The following SPTBN1 variants were observed in gnomAD, a reference collection of about 807,000 sequenced individuals.
The protein encoded by SPTBN1 is spectrin beta, non-erythrocytic 1.
A neutral mutation model predicts 266.4 loss-of-function variants in SPTBN1; 32 were observed. The observed-to-expected ratio is 0.12, with a 90% CI of 0.09 to 0.16. The LOEUF (loss-of-function observed/expected upper bound fraction) is 0.16, where lower values mean the gene tolerates loss of function less well. Among genes scored for constraint, SPTBN1 ranks in the 10% least tolerant of loss-of-function variants. The pLI is 1.00. For synonymous variants in SPTBN1, 1,336 were observed against 1,162.2 expected (o/e 1.15, Z -3.04); for missense variants, 2,296 against 3,067.1 (o/e 0.75, Z 5.94).
intron 1 of SPTBN1, among the ~76,000 whole-genome samples, chr2:54,492,280 G>T (rs1668724019): frequency 6.7e-6 from 1 of 149,864 alleles, no homozygotes; most frequent in South Asian, 2.1e-4. Flanking sequence ...GTATAAAGTA[G>T]GTGTACCCTA....
At chr2:54,548,779 T>G (rs1672395598) in intron 2 of SPTBN1, among the ~76,000 whole-genome samples, 1 of 152,280 alleles carries the variant, frequency 6.6e-6, no homozygotes, top group South Asian at 2.1e-4. Context: ...TAAAAGGAAC[T>G]TCTGACACCT....
chr2:54,529,874 AAAAAAAAAAAG>A, intron 2 of SPTBN1: 19 of 415,216 alleles, frequency 4.6e-5, no homozygotes, highest in Middle Eastern at 7.9e-4. Context: ...AAAAAAAAAA[AAAAAAAAAAAG>A]GTCCACTTGA....
At position 54,649,382 on chromosome 2, in the gene SPTBN1, C is replaced by G. The variant is rs140309983; in HGVS notation, c.5202+192C>G. Among the ~76,000 whole-genome samples, 267 of 152,270 alleles carry G rather than the reference C, an allele frequency of 1.8e-3. 1 individual carries two copies. The highest frequency in any genetic ancestry group is 3.1e-3 in the Non-Finnish European group (211 of 68,016). On this transcript the variant is annotated intron_variant, in intron 25 of 35. Transcript: ENST00000356805. This position sits in a 1 kb window ranked among gnomAD's most constrained non-coding sequence, Gnocchi z 6.7. ...AGGTTGGCTAACCTCTCTGTGCACC[C>G]CTTCCTCCGGTAGTAAAAGGAGGTG...
intron 7 of SPTBN1, among the ~76,000 whole-genome samples, chr2:54,621,146 G>C (rs922493911): frequency 2.6e-5 from 4 of 152,208 alleles, no homozygotes; most frequent in Non-Finnish European, 2.9e-5. Context: ...ACCCAGTATG[G>C]TAGTAGGGCA....
At chr2:54,502,915 C>G (rs777503014) in intron 1 of SPTBN1, among the ~76,000 whole-genome samples, 3 of 152,126 alleles carry the variant, frequency 2.0e-5, no homozygotes, top group Non-Finnish European at 4.4e-5. Flanking sequence ...ACTCAGAGAG[C>G]TAACAGATCA....
Position 54,626,302 on chromosome 2 carries a change from TCACTA to T in SPTBN1, c.1644+69_1644+73del. 1 of 1,523,698 alleles carries T rather than the reference TCACTA, an allele frequency of 6.6e-7. No individual in the cohort carries two copies. Among genetic ancestry groups the T allele is most frequent in the South Asian group, 1.3e-5 (1 of 78,182 alleles). 94.4% of individuals were successfully genotyped at this position (1,523,698 alleles called of 1,614,324 possible). On this transcript the variant is annotated intron_variant, in intron 12 of 35. Transcript: ENST00000356805. This position sits in a 1 kb window ranked among gnomAD's most constrained non-coding sequence, Gnocchi z 4.7. The stretch of plus-strand genomic sequence containing the variant: ...CAGGGCTCTCTTTTCTGTGACTCAT[TCACTA>T]AACCCCTACGTACAGCTGTGTGCCT...
intron 17 of SPTBN1, among the ~76,000 whole-genome samples, chr2:54,634,830 T>A (rs1679009964): frequency 6.6e-6 from 1 of 152,100 alleles, no homozygotes; most frequent in Non-Finnish European, 1.5e-5. Context: ...CTAACAGATG[T>A]GGGTGGGGCA....
chr2:54,553,634 C>G (rs549572077), intron 2 of SPTBN1, among the ~76,000 whole-genome samples: 1 of 152,222 alleles, frequency 6.6e-6, no homozygotes, highest in African/African-American at 2.4e-5. Flanking sequence ...TGACAAAACA[C>G]AATCCTATAT....
In SPTBN1 at chr2:54,466,516, C is replaced by T. The variant is rs1693639113; in HGVS notation, c.-48+9998C>T. Reference sequence around the variant, plus strand: ...GGCGAAGCTTGCAGTGAGCCGAGATCGCGCCACTGCACTCCAGCCTGGGCG... The same window carrying T: ...GGCGAAGCTTGCAGTGAGCCGAGATTGCGCCACTGCACTCCAGCCTGGGCG... On this transcript the variant is annotated intron_variant, in intron 1 of 35. Transcript: ENST00000356805. Among the ~76,000 whole-genome samples, 2 of 24,322 alleles carry T rather than the reference C, an allele frequency of 8.2e-5. 1 individual carries two copies. The highest frequency in any genetic ancestry group is 2.2e-3 in the South Asian group (2 of 912). The allele number at this position is 24,322 out of a possible 152,430, so 16.0% of individuals were successfully genotyped here.
Position 54,637,740 on chromosome 2 carries a change from T to C in SPTBN1, c.3795T>C (p.Ser1265=). The C allele has an allele frequency of 6.2e-7, 1 of 1,613,900 alleles. No homozygotes were observed. The highest frequency in any genetic ancestry group is 8.5e-7 in the Non-Finnish European group (1 of 1,179,838). The change falls in exon 18 of 36, where the codon AGT becomes AGC. Residue 1265 remains serine, a synonymous_variant. Coordinates refer to ENST00000356805, the MANE Select transcript of SPTBN1 (RefSeq NM_003128.3). The part of the protein sequence containing the change: ...DRHRKNRETA[S]ELLMRLKDNR... ...ATAGGAAGAATCGTGAGACAGCCAG[T>C]GAACTTTTGATGAGGTTGAAGGACA...
chr2:54,573,485 T>C (rs759330014), intron 2 of SPTBN1, among the ~76,000 whole-genome samples: 1 of 152,316 alleles, frequency 6.6e-6, no homozygotes, highest in East Asian at 1.9e-4. Context: ...CCTCCTGCTG[T>C]GTGGCCGGTT....
At chr2:54,534,615 T>C (rs928008295) in intron 2 of SPTBN1, among the ~76,000 whole-genome samples, 3 of 152,232 alleles carry the variant, frequency 2.0e-5, no homozygotes, top group Admixed American at 6.5e-5. Flanking sequence ...TTTTTAGGTG[T>C]AGTTTTCCTC....
intron 2 of SPTBN1, among the ~76,000 whole-genome samples, chr2:54,598,542 G>T (rs1340763186): frequency 2.0e-5 from 3 of 152,136 alleles, no homozygotes; most frequent in African/African-American, 7.2e-5. Flanking sequence ...AATTTATCTT[G>T]TCCAGTGTTG....
chr2:54,465,272 A>G (rs1446764325), intron 1 of SPTBN1, among the ~76,000 whole-genome samples: 1 of 152,172 alleles, frequency 6.6e-6, no homozygotes, highest in African/African-American at 2.4e-5. Flanking sequence ...GCAGAGGACC[A>G]GGGTTCTTTG....
intron 2 of SPTBN1, among the ~76,000 whole-genome samples, chr2:54,585,348 T>TA (rs772840307): frequency 1.3e-5 from 2 of 152,220 alleles, no homozygotes; most frequent in African/African-American, 2.4e-5. Context: ...TGAGGGATCT[T>TA]ATGGTGCTAC....
Position 54,631,389 on chromosome 2 carries a change from C to T in SPTBN1, c.3342C>T (p.Tyr1114=), listed in dbSNP as rs1678723216. ...ACATCAAGAACGAGATCGACAACTA[C>T]GAGGAGGACTACCAGAAGATGAGGG... ...HENIKNEIDN[Y]EEDYQKMRDM... The change falls in exon 16 of 36, where the codon TAC becomes TAT. Residue 1114 remains tyrosine, a synonymous_variant. Transcript: ENST00000356805. 1.2e-6 allele frequency: 2 copies of T among 1,614,216 alleles called. No individual in the cohort carries two copies. Among genetic ancestry groups the T allele is most frequent in the South Asian group, 2.2e-5 (2 of 91,088 alleles).
At chr2:54,633,916 A>G (rs1678938527) in intron 17 of SPTBN1, among the ~76,000 whole-genome samples, 1 of 152,078 alleles carries the variant, frequency 6.6e-6, no homozygotes, top group South Asian at 2.1e-4. Flanking sequence ...CTAGGGTGGT[A>G]TTGTGGAATA....
chr2:54,469,991 G>A (rs1693841307), intron 1 of SPTBN1, among the ~76,000 whole-genome samples: 1 of 152,302 alleles, frequency 6.6e-6, no homozygotes, highest in South Asian at 2.1e-4. Context: ...TCAAAGGTAG[G>A]TTTTTGTCTG....
chr2:54,582,717 A>G (rs190977586), intron 2 of SPTBN1, among the ~76,000 whole-genome samples: 1 of 152,252 alleles, frequency 6.6e-6, no homozygotes, highest in African/African-American at 2.4e-5. Context: ...GTTGGGGGGA[A>G]TCTTACTGAG....
Sources: allele counts gnomAD v4.1 joint callset (sites outside exome capture counted in the v4.1 genomes callset), GRCh38; gene constraint gnomAD v4.1.1; non-coding constraint Gnocchi (gnomAD v3.1); transcripts MANE v1.5; gene names NCBI Gene and HGNC (gene_info 2026-07-23, HGNC 2026-07-21).